PCDH9: variants seen among roughly 807,000 people sequenced by gnomAD.
The protein encoded by PCDH9 is protocadherin 9.
A neutral mutation model predicts 70.6 loss-of-function variants in PCDH9; 24 were observed. The ratio of observed to expected loss-of-function variants is 0.34; its 90% CI spans 0.25 to 0.48. The LOEUF is 0.48. Ranked by LOEUF, PCDH9 falls within the 20% of genes least tolerant of loss-of-function variation. The pLI is 0.99. For missense variants in PCDH9, 1,281 were observed against 1,503.6 expected, an observed-to-expected ratio of 0.85 and a Z score of 2.45; for synonymous variants, 562 against 558.5, an observed-to-expected ratio of 1.01 and a Z score of -0.09.
At chr13:66,503,211 C>CTTAA (rs1313156967) in intron 4 of PCDH9, among the ~76,000 whole-genome samples, 6 of 152,156 alleles carry the variant, frequency 3.9e-5, no homozygotes, top group South Asian at 4.1e-4. Flanking sequence ...TCACATCATT[C>CTTAA]TTAAGCGATA....
chr13:66,752,869 C>T (rs2079482376), intron 3 of PCDH9, among the ~76,000 whole-genome samples: 1 of 152,124 alleles, frequency 6.6e-6, no homozygotes, highest in Non-Finnish European at 1.5e-5. Flanking sequence ...GTAAACAAAT[C>T]TCAGTGAGAC....
chr13:66,677,556 G>A (rs1243089819), intron 3 of PCDH9, among the ~76,000 whole-genome samples: 1 of 152,010 alleles, frequency 6.6e-6, no homozygotes, highest in Non-Finnish European at 1.5e-5. Context: ...GTGTGTCTTT[G>A]TGATAGTGAG....
intron 4 of PCDH9, among the ~76,000 whole-genome samples, chr13:66,575,038 T>G (rs955002324): frequency 1.3e-5 from 2 of 151,920 alleles, no homozygotes; most frequent in Non-Finnish European, 2.9e-5. Flanking sequence ...CTGGGCATGG[T>G]GGCACATGCC....
intron 3 of PCDH9, among the ~76,000 whole-genome samples, chr13:66,676,528 A>G (rs940268922): frequency 6.6e-6 from 1 of 152,140 alleles, no homozygotes; most frequent in African/African-American, 2.4e-5. Flanking sequence ...AAACTTGGAA[A>G]GTTGTAGAGA....
At chr13:66,383,022 T>C (rs1300192400) in intron 4 of PCDH9, among the ~76,000 whole-genome samples, 1 of 83,474 alleles carries the variant, frequency 1.2e-5, no homozygotes, top group Non-Finnish European at 2.3e-5. Flanking sequence ...AGCGAGACTT[T>C]GTCTCAAAAC....
rs1956616698 is a variant in PCDH9 at position 66,369,956 on chromosome 13, C to T, written c.3341-64928G>A. ...AAAGAATTTCTGACATATATTGGGTCAGAATTTCTCCAGTGAAAAATACAG... is the reference window on the plus strand; with the variant it reads ...AAAGAATTTCTGACATATATTGGGTTAGAATTTCTCCAGTGAAAAATACAG... On this transcript the variant is annotated intron_variant, in intron 4 of 4. Coordinates refer to ENST00000377865, the MANE Select transcript of PCDH9 (RefSeq NM_203487.3). Among the ~76,000 whole-genome samples the T allele has an allele frequency of 2.0e-5, 3 of 152,160 alleles. No homozygotes were observed. The South Asian group carries it at 6.2e-4, about 32-fold the overall frequency.
intron 2 of PCDH9, among the ~76,000 whole-genome samples, chr13:67,149,889 TA>T (rs2087614730): frequency 6.6e-6 from 1 of 152,078 alleles, no homozygotes; most frequent in South Asian, 2.1e-4. Flanking sequence ...ATTTTGCAAA[TA>T]AAAAACTAAG....
At chr13:66,408,402 A>G (rs530091493) in intron 4 of PCDH9, among the ~76,000 whole-genome samples, 4 of 152,210 alleles carry the variant, frequency 2.6e-5, no homozygotes, top group Non-Finnish European at 5.9e-5. Flanking sequence ...AATGTTAGTA[A>G]ATGTAACATA....
At chr13:66,351,589 G>C (rs1031123835) in intron 4 of PCDH9, among the ~76,000 whole-genome samples, 1 of 152,034 alleles carries the variant, frequency 6.6e-6, no homozygotes, top group Admixed American at 6.6e-5. Flanking sequence ...TTTGTACCAA[G>C]TGCTAAGCTT....
intron 4 of PCDH9, among the ~76,000 whole-genome samples, chr13:66,573,613 T>C (rs559671434): frequency 2.6e-5 from 4 of 152,210 alleles, no homozygotes; most frequent in Non-Finnish European, 5.9e-5. Context: ...CAGGTTGAGA[T>C]GCTACGTTAA....
chr13:66,479,423 C>T (rs1167960876), intron 4 of PCDH9, among the ~76,000 whole-genome samples: 12 of 152,160 alleles, frequency 7.9e-5, no homozygotes. Flanking sequence ...CACAGTGATT[C>T]CTCTGATGGA....
chr13:66,649,689 TTAAAC>T (rs2077823006), intron 3 of PCDH9, among the ~76,000 whole-genome samples: 1 of 152,010 alleles, frequency 6.6e-6, no homozygotes, highest in Non-Finnish European at 1.5e-5. Context: ...CTTGCGGTGT[TTAAAC>T]TACTCATTTC....
chr13:67,121,971 C>G (rs771816767), intron 2 of PCDH9, among the ~76,000 whole-genome samples: 9 of 152,008 alleles, frequency 5.9e-5, no homozygotes, highest in Admixed American at 2.0e-4. Flanking sequence ...TTAAAGTGGC[C>G]AAGTTAAATA....
In PCDH9 at chr13:66,561,967, C is replaced by T. The variant is rs146869988; in HGVS notation, c.3340+69243G>A. 1.2e-3 allele frequency among the ~76,000 whole-genome samples: 176 copies of T among 152,144 alleles called. No homozygotes were observed. In the East Asian group the frequency reaches 0.026, roughly 22 times the overall value. On this transcript the variant is annotated intron_variant, in intron 4 of 4. Coordinates refer to ENST00000377865, the MANE Select transcript of PCDH9 (RefSeq NM_203487.3). ...TCCACACTGCCTTTATGAGCTGTAA[C>T]GCTCACCACAAAGGTCTGCAGCTCC...
intron 2 of PCDH9, among the ~76,000 whole-genome samples, chr13:66,952,311 TA>T (rs1483824658): frequency 6.6e-6 from 1 of 152,200 alleles, no homozygotes; most frequent in Non-Finnish European, 1.5e-5. Flanking sequence ...ACCACTGTTC[TA>T]ATTATTCAAG....
At chr13:67,077,461 T>C (rs904556711) in intron 2 of PCDH9, among the ~76,000 whole-genome samples, 2 of 152,302 alleles carry the variant, frequency 1.3e-5, no homozygotes, top group East Asian at 1.9e-4. Context: ...CTGGCATTCC[T>C]TGTTCCTCTA....
chr13:66,380,991 A>G (rs1956838756), intron 4 of PCDH9, among the ~76,000 whole-genome samples: 1 of 152,212 alleles, frequency 6.6e-6, no homozygotes, highest in Admixed American at 6.5e-5. Context: ...GACACACAAA[A>G]AAAGTGTTTC....
chr13:66,447,548 T>C (rs1488620564), intron 4 of PCDH9, among the ~76,000 whole-genome samples: 1 of 152,134 alleles, frequency 6.6e-6, no homozygotes. Context: ...CATGTTTTAA[T>C]ATGTGTGTGC....
chr13:67,065,830 A>G (rs1008046656), intron 2 of PCDH9, among the ~76,000 whole-genome samples: 1 of 152,172 alleles, frequency 6.6e-6, no homozygotes, highest in Admixed American at 6.5e-5. Flanking sequence ...TTTTATATCT[A>G]AGAAAGTTAA....
Sources: gnomAD v4.1 joint callset for allele counts (sites outside exome capture counted in the v4.1 genomes callset) on GRCh38, gnomAD v4.1.1 for gene constraint, MANE v1.5 for transcripts, NCBI Gene and HGNC (gene_info 2026-07-23, HGNC 2026-07-21) for gene names.